Variants in STAU2 observed in about 807,000 individuals in gnomAD.
STAU2 encodes the protein staufen double-stranded RNA binding protein 2.
Under a neutral mutation model 65.9 loss-of-function variants are expected in STAU2, and 20 were observed. The ratio of observed to expected loss-of-function variants is 0.30; its 90% CI spans 0.21 to 0.44. The LOEUF (loss-of-function observed/expected upper bound fraction) is 0.44. Among genes scored for constraint, STAU2 ranks in the 20% least tolerant of loss-of-function variants. The pLI, the probability that STAU2 is intolerant of heterozygous loss-of-function variation, is 1.00. For missense variants in STAU2, 558 were observed against 683.9 expected (o/e 0.82, Z 2.05); for synonymous variants, 232 against 233.9 (o/e 0.99, Z 0.07).
At chr8:73,685,884 G>C (rs757980439) in intron 5 of STAU2, among the ~76,000 whole-genome samples, 1 of 152,072 alleles carries the variant, frequency 6.6e-6, no homozygotes, top group South Asian at 2.1e-4. Context: ...TCACAATTGC[G>C]AAAACATAAA....
chr8:73,493,407 T>C (rs1327833277), intron 13 of STAU2, among the ~76,000 whole-genome samples: 1 of 151,690 alleles, frequency 6.6e-6, no homozygotes, highest in Non-Finnish European at 1.5e-5. Flanking sequence ...AGGGTTTGGA[T>C]AAGATATATA....
intron 12 of STAU2, among the ~76,000 whole-genome samples, chr8:73,564,215 G>A (rs542840375): frequency 1.3e-5 from 2 of 152,256 alleles, no homozygotes; most frequent in Admixed American, 1.3e-4. Flanking sequence ...TGCCGACAGA[G>A]CCAGCATATT....
intron 4 of STAU2, among the ~76,000 whole-genome samples, chr8:73,693,762 G>A (rs531679840): frequency 1.3e-5 from 2 of 152,298 alleles, no homozygotes; most frequent in East Asian, 1.9e-4. Context: ...CCTTGGCTTC[G>A]CCATTTACTA....
intron 6 of STAU2, among the ~76,000 whole-genome samples, chr8:73,640,442 C>T (rs73330884): frequency 1.7e-4 from 26 of 152,260 alleles, no homozygotes; most frequent in African/African-American, 5.8e-4. Context: ...TAGAGGTCCA[C>T]AAACGTTCTG....
At chr8:73,442,679 AAC>A (rs1395149504) in intron 13 of STAU2, among the ~76,000 whole-genome samples, 1 of 152,208 alleles carries the variant, frequency 6.6e-6, no homozygotes, top group African/African-American at 2.4e-5. Context: ...AATATAGCCA[AAC>A]ACAGTTTTTT....
At chr8:73,661,462 A>C (rs1816828479) in intron 6 of STAU2, among the ~76,000 whole-genome samples, 1 of 152,204 alleles carries the variant, frequency 6.6e-6, no homozygotes, top group Admixed American at 6.5e-5. Flanking sequence ...TATTGAGGTA[A>C]AATTTACATT....
intron 6 of STAU2, chr8:73,652,524 T>G (rs902676441): frequency 6.6e-6 from 1 of 151,658 alleles, no homozygotes; most frequent in Non-Finnish European, 1.5e-5. Context: ...CTGGCCAACA[T>G]AGTGAAACCC....
At chr8:73,459,342 C>G (rs1007407768) in intron 13 of STAU2, among the ~76,000 whole-genome samples, 1 of 152,032 alleles carries the variant, frequency 6.6e-6, no homozygotes, top group Admixed American at 6.6e-5. Flanking sequence ...TTCAGATAGG[C>G]TTTATTATTA....
chr8:73,451,571 C>G lies in STAU2; in HGVS notation c.1531-28869G>C, dbSNP rs533956870. On this transcript the variant is annotated intron_variant, in intron 13 of 14. Coordinates refer to ENST00000524300, the MANE Select transcript of STAU2 (RefSeq NM_001164380.2). ...ATGAAGCAGGCTGGGCTACCCACCC[C>G]CCGCAACTAGATCAAAGGAGGTGAT... 2.5e-4 allele frequency among the ~76,000 whole-genome samples: 38 copies of G among 151,802 alleles called. No individual in the cohort carries two copies. In the South Asian group the frequency reaches 6.5e-3, roughly 26 times the overall value.
At position 73,647,129 on chromosome 8, in the gene STAU2, T is replaced by C. The variant is rs1815447253; in HGVS notation, c.410+25978A>G. On this transcript the variant is annotated intron_variant, in intron 6 of 14. Coordinates refer to ENST00000524300, the MANE Select transcript of STAU2 (RefSeq NM_001164380.2). The stretch of plus-strand genomic sequence containing the variant: ...ACTGAATCTCTCATACATTCCTGAT[T>C]GTGATGCCAGACAGTTCAGCAACTC... 2.0e-5 allele frequency among the ~76,000 whole-genome samples: 3 copies of C among 152,218 alleles called. No homozygotes were observed. The South Asian group carries it at 6.2e-4, about 32-fold the overall frequency.
chr8:73,571,392 T>C (rs1480449204), intron 12 of STAU2, among the ~76,000 whole-genome samples: 1 of 152,110 alleles, frequency 6.6e-6, no homozygotes, highest in Non-Finnish European at 1.5e-5. Context: ...CTGCACCAAG[T>C]GGACCTAATA....
intron 6 of STAU2, chr8:73,652,455 C>A (rs767475101): frequency 1.3e-5 from 2 of 152,084 alleles, no homozygotes; most frequent in Non-Finnish European, 2.9e-5. Flanking sequence ...CGCCTGTAAT[C>A]CCAGCACTTT....
At chr8:73,502,325 C>T (rs896728508) in intron 13 of STAU2, among the ~76,000 whole-genome samples, 3 of 151,922 alleles carry the variant, frequency 2.0e-5, no homozygotes, top group African/African-American at 7.2e-5. Context: ...ACTGTTGATA[C>T]ATGTCCTATA....
chr8:73,453,573 C>A (rs1297144748), intron 13 of STAU2, among the ~76,000 whole-genome samples: 1 of 152,162 alleles, frequency 6.6e-6, no homozygotes, highest in Non-Finnish European at 1.5e-5. Context: ...TGTTACCTAC[C>A]CAAACCAAAC....
In STAU2 at chr8:73,586,898, T is replaced by C. The variant is rs116918183; in HGVS notation, c.1162-4068A>G. 3.2e-3 allele frequency among the ~76,000 whole-genome samples: 482 copies of C among 152,040 alleles called. 1 individual carries two copies. The highest frequency in any genetic ancestry group is 5.3e-3 in the Non-Finnish European group (360 of 67,976). ...AAAAACCACAAGACCATCCATAAGATTGGCATCTCAGAAATAAATAACAGC... is the reference window on the plus strand; with the variant it reads ...AAAAACCACAAGACCATCCATAAGACTGGCATCTCAGAAATAAATAACAGC... On this transcript the variant is annotated intron_variant, in intron 11 of 14. Transcript: ENST00000524300.
rs139654361 is a variant in STAU2, at chr8:73,717,200, G to A, written c.-17-8038C>T. Among the ~76,000 whole-genome samples the A allele has an allele frequency of 1.7e-4, 26 of 152,174 alleles. 1 individual carries two copies. In the East Asian group the frequency reaches 2.7e-3, roughly 16 times the overall value. On this transcript the variant is annotated intron_variant, in intron 3 of 14. Transcript: ENST00000524300. ...GAAAATAATAAAGAGGAATCACTACGAAAAAAATAAAAATTTTTTTCCCAA... is the reference window on the plus strand; with the variant it reads ...GAAAATAATAAAGAGGAATCACTACAAAAAAAATAAAAATTTTTTTCCCAA...
intron 13 of STAU2, among the ~76,000 whole-genome samples, chr8:73,459,565 T>A (rs1819238082): frequency 6.6e-6 from 1 of 151,952 alleles, no homozygotes; most frequent in African/African-American, 2.4e-5. Flanking sequence ...GGGCCTCCTG[T>A]GTGAAGTCGC....
intron 10 of STAU2, among the ~76,000 whole-genome samples, chr8:73,597,669 CAAAAAAAAAAAAAA>C (rs34461371): frequency 3.6e-5 from 2 of 55,876 alleles, no homozygotes; most frequent in Non-Finnish European, 6.2e-5. Flanking sequence ...GTCTCTGTCT[CAAAAAAAAAAAAAA>C]AAAAAAAAAA....
At chr8:73,666,703 A>G (rs1817267779) in intron 6 of STAU2, among the ~76,000 whole-genome samples, 1 of 152,248 alleles carries the variant, frequency 6.6e-6, no homozygotes, top group Admixed American at 6.5e-5. Flanking sequence ...ATGAGAATGT[A>G]GGCCATAAAC....
Sources: gnomAD v4.1 joint callset for allele counts (sites outside exome capture counted in the v4.1 genomes callset) on GRCh38, gnomAD v4.1.1 for gene constraint, MANE v1.5 for transcripts, NCBI Gene and HGNC (gene_info 2026-07-23, HGNC 2026-07-21) for gene names.